SUCO: variants seen among roughly 807,000 people sequenced by gnomAD.
SUCO encodes the protein SUN domain containing ossification factor, also known as SUN domain-containing ossification factor.
SUCO carries 57 observed loss-of-function variants against 148.1 expected under a neutral mutation model. That is an observed-to-expected ratio of 0.38 (90% CI 0.31 to 0.48). The LOEUF is 0.48. Among genes scored for constraint, SUCO ranks in the 20% least tolerant of loss-of-function variants. The pLI, the probability that SUCO is intolerant of heterozygous loss-of-function variation, is 0.96. For synonymous variants in SUCO, 470 were observed against 502.7 expected (o/e 0.93, Z 0.87); for missense variants, 1,331 against 1,468.2 (o/e 0.91, Z 1.53).
intron 7 of SUCO, chr1:172,569,491 T>C (rs1654788487): frequency 1.0e-6 from 1 of 982,344 alleles, no homozygotes; most frequent in Non-Finnish European, 1.2e-6. Flanking sequence ...GTTTAAAATA[T>C]TCTTTAACTT....
At chr1:172,576,917 A>G in intron 11 of SUCO, 1 of 757,448 alleles carries the variant, frequency 1.3e-6, no homozygotes, top group Non-Finnish European at 1.6e-6. Context: ...TCTTAAAATA[A>G]CTACACCCAA....
At chr1:172,596,801 A>G (rs901608940) in intron 19 of SUCO, among the ~76,000 whole-genome samples, 2 of 151,834 alleles carry the variant, frequency 1.3e-5, no homozygotes, top group African/African-American at 2.4e-5. Context: ...GAGAACCACT[A>G]CTCTCTTCAA....
intron 11 of SUCO, among the ~76,000 whole-genome samples, chr1:172,576,088 G>A (rs754447878): frequency 6.6e-6 from 1 of 151,758 alleles, no homozygotes; most frequent in Non-Finnish European, 1.5e-5. Context: ...AATATTCTGT[G>A]TCCAAGTACC....
Position 172,579,066 on chromosome 1 carries a change from T to G in SUCO, c.1433-136T>G, listed in dbSNP as rs557285005. ...CTTACATGCTTTTTGTGAACATGTT[T>G]TAGATATATGATTCATATTTATCAT... On this transcript the variant is annotated intron_variant, in intron 14 of 23. Coordinates refer to ENST00000263688, the MANE Select transcript of SUCO (RefSeq NM_014283.5). 288 of 588,938 alleles carry G rather than the reference T, an allele frequency of 4.9e-4. 2 individuals are homozygous for G. The African/African-American group carries it at 4.9e-3, about 10-fold the overall frequency. The allele number at this position is 588,938 out of a possible 1,614,324, so 36.5% of individuals were successfully genotyped here. A position where few individuals can be genotyped will look rare whatever the true frequency, so the allele number is the denominator to read the frequency against.
intron 2 of SUCO, 95 bp from the exon 3 acceptor site, chr1:172,553,165 G>A: frequency 2.2e-6 from 3 of 1,339,762 alleles, no homozygotes; most frequent in Non-Finnish European, 2.9e-6. Flanking sequence ...CAGTTTTTTG[G>A]TTTTAAAGTA....
At chr1:172,574,131 A>C (rs1349637618) in intron 10 of SUCO, 133 bp downstream of exon 10, 1 of 616,338 alleles carries the variant, frequency 1.6e-6, no homozygotes, top group African/African-American at 1.9e-5. Flanking sequence ...AATAACAACG[A>C]TAATACGACT....
At chr1:172,602,316 C>T in intron 21 of SUCO, 98 bp downstream of exon 21, 1 of 1,388,446 alleles carries the variant, frequency 7.2e-7, no homozygotes, top group Non-Finnish European at 9.5e-7. Context: ...GAGGTAATTT[C>T]TTTCCCTATA....
intron 4 of SUCO, chr1:172,556,596 CATAA>C: frequency 1.0e-6 from 1 of 983,962 alleles, no homozygotes; most frequent in Non-Finnish European, 1.2e-6. Flanking sequence ...AATGAGTTGA[CATAA>C]ATAAAGTGCA....
Position 172,589,152 on chromosome 1 carries a change from A to C in SUCO, c.2051A>C (p.Glu684Ala), listed in dbSNP as rs769870267. 3 of 1,613,862 alleles carry C rather than the reference A, an allele frequency of 1.9e-6. No individual in the cohort carries two copies. The South Asian group carries it at 3.3e-5, about 18-fold the overall frequency. Residue 684 changes from glutamate (E) to alanine (A), a missense_variant, in exon 18 of 24, where the codon GAA (glutamate) becomes GCA (alanine). Transcript: ENST00000263688. ...DVSVLQPLSG[E>A]LENTNIEREA... ...TCAGTATTGCAACCTCTGAGTGGAG[A>C]ATTGGAAAATACGAATATAGAAAGG... is the stretch of plus-strand genomic sequence containing the variant.
intron 11 of SUCO, among the ~76,000 whole-genome samples, chr1:172,576,286 T>C (rs1376268943): frequency 6.6e-6 from 1 of 151,692 alleles, no homozygotes; most frequent in Non-Finnish European, 1.5e-5. Flanking sequence ...TGAATTAATA[T>C]TATGACATTT....
intron 20 of SUCO, among the ~76,000 whole-genome samples, chr1:172,600,891 G>A (rs1657466036): frequency 6.6e-6 from 1 of 152,194 alleles, no homozygotes; most frequent in African/African-American, 2.4e-5. Flanking sequence ...CAAAGGACTG[G>A]AGAGTAGAAA....
intron 6 of SUCO, among the ~76,000 whole-genome samples, chr1:172,559,097 T>C (rs905001435): frequency 2.6e-5 from 4 of 152,142 alleles, no homozygotes; most frequent in African/African-American, 7.2e-5. Flanking sequence ...TTTGTGTGAG[T>C]GGGAGAGAAT....
chr1:172,545,845 G>A (rs1194775305), intron 1 of SUCO, among the ~76,000 whole-genome samples: 1 of 152,162 alleles, frequency 6.6e-6, no homozygotes, highest in Non-Finnish European at 1.5e-5. Flanking sequence ...TTACAATGTT[G>A]ATACTGAGTT....
chr1:172,597,028 A>G (rs1181456799), intron 19 of SUCO, among the ~76,000 whole-genome samples: 3 of 152,206 alleles, frequency 2.0e-5, no homozygotes, highest in Non-Finnish European at 4.4e-5. Flanking sequence ...CTTGCAGTTC[A>G]ATCTCAGACT....
intron 19 of SUCO, 28 bp from the exon 20 acceptor site, chr1:172,600,036 C>CAA: frequency 1.4e-6 from 2 of 1,422,916 alleles, no homozygotes; most frequent in Admixed American, 2.4e-5. Flanking sequence ...AGTTAATATT[C>CAA]AAAAAAAAAT....
intron 6 of SUCO, among the ~76,000 whole-genome samples, chr1:172,562,556 T>C (rs914871218): frequency 1.3e-5 from 2 of 152,190 alleles, no homozygotes; most frequent in African/African-American, 2.4e-5. Context: ...CAGGATGGTC[T>C]TGATCTCTTG....
chr1:172,544,183 C>T (rs1652701478), intron 1 of SUCO: 1 of 953,624 alleles, frequency 1.0e-6, no homozygotes, highest in African/African-American at 1.8e-5. Flanking sequence ...TATTTCTGTA[C>T]AAGGGATTAA....
At chr1:172,570,815 A>G in intron 9 of SUCO, 85 bp downstream of exon 9, 1 of 821,886 alleles carries the variant, frequency 1.2e-6, no homozygotes, top group Non-Finnish European at 2.0e-6. Flanking sequence ...ACATTGACAT[A>G]TAATAATTTA....
At chr1:172,560,397 G>A (rs558835516) in intron 6 of SUCO, among the ~76,000 whole-genome samples, 96 of 152,286 alleles carry the variant, frequency 6.3e-4, no homozygotes, top group Middle Eastern at 6.8e-3. Context: ...TATAGGTGCA[G>A]CAGGTTTTAT....
Sources: gnomAD v4.1 joint callset for allele counts (sites outside exome capture counted in the v4.1 genomes callset) on GRCh38, gnomAD v4.1.1 for gene constraint, MANE v1.5 for transcripts, NCBI Gene and HGNC (gene_info 2026-07-23, HGNC 2026-07-21) for gene names.